KCNQ3: variants seen among roughly 807,000 people sequenced by gnomAD.
KCNQ3 encodes potassium voltage-gated channel subfamily KQT member 3.
Under a neutral mutation model 92.5 loss-of-function variants are expected in KCNQ3, and 30 were observed. The ratio of observed to expected loss-of-function variants is 0.32; its 90% CI spans 0.24 to 0.44. KCNQ3 has a LOEUF of 0.44. KCNQ3 is among the 20% of genes least tolerant of loss of function. The pLI is 1.00. For missense variants in KCNQ3, 913 were observed against 1,140.3 expected, an observed-to-expected ratio of 0.80 and a Z score of 2.87; for synonymous variants, 450 against 468.8, an observed-to-expected ratio of 0.96 and a Z score of 0.52.
intron 1 of KCNQ3, among the ~76,000 whole-genome samples, chr8:132,302,912 A>G (rs991278854): frequency 1.3e-5 from 2 of 152,236 alleles, no homozygotes; most frequent in African/African-American, 2.4e-5. Context: ...GCTGCTCAGG[A>G]GAACCTATTG....
chr8:132,361,399 T>C (rs1819167720), intron 1 of KCNQ3, among the ~76,000 whole-genome samples: 1 of 152,234 alleles, frequency 6.6e-6, no homozygotes, highest in Non-Finnish European at 1.5e-5. Flanking sequence ...TTATGTCTAA[T>C]ATGTTCTTTA....
intron 1 of KCNQ3, among the ~76,000 whole-genome samples, chr8:132,450,811 C>T (rs1272685772): frequency 1.3e-5 from 2 of 152,150 alleles, no homozygotes; most frequent in South Asian, 2.1e-4. Context: ...TCATCATCAC[C>T]GTCCTCCCTT....
At chr8:132,422,638 G>A (rs1167696873) in intron 1 of KCNQ3, among the ~76,000 whole-genome samples, 2 of 152,142 alleles carry the variant, frequency 1.3e-5, no homozygotes, top group Non-Finnish European at 2.9e-5. Flanking sequence ...CCCCAGCACT[G>A]GGCCTGACTG....
At chr8:132,228,042 A>T (rs2130361856) in intron 1 of KCNQ3, among the ~76,000 whole-genome samples, 1 of 152,300 alleles carries the variant, frequency 6.6e-6, no homozygotes, top group African/African-American at 2.4e-5. Flanking sequence ...CCTCAACAGT[A>T]AATAACTTGC....
intron 1 of KCNQ3, among the ~76,000 whole-genome samples, chr8:132,207,546 C>A (rs1193615859): frequency 1.3e-5 from 2 of 152,150 alleles, no homozygotes; most frequent in Admixed American, 1.3e-4. Context: ...AATCAGACTC[C>A]AGCCTTTTCA....
intron 1 of KCNQ3, among the ~76,000 whole-genome samples, chr8:132,384,266 G>A (rs1819835919): frequency 6.6e-6 from 1 of 152,174 alleles, no homozygotes; most frequent in African/African-American, 2.4e-5. Flanking sequence ...ACATCTCCTA[G>A]TACTGTGTCT....
intron 1 of KCNQ3, among the ~76,000 whole-genome samples, chr8:132,247,508 C>T (rs1815218958): frequency 6.6e-6 from 1 of 151,954 alleles, no homozygotes; most frequent in Non-Finnish European, 1.5e-5. Context: ...AGAATATGGC[C>T]GGGTGCAGTG....
intron 1 of KCNQ3, among the ~76,000 whole-genome samples, chr8:132,386,504 A>T (rs1479059041): frequency 6.6e-6 from 1 of 152,146 alleles, no homozygotes; most frequent in Non-Finnish European, 1.5e-5. Flanking sequence ...AGATGGTTTT[A>T]AAGGTAAATA....
chr8:132,128,038 A>G lies in KCNQ3; in HGVS notation c.*1224T>C, dbSNP rs917518818. 1 of 152,246 alleles carries G rather than the reference A, an allele frequency of 6.6e-6. No individual in the cohort carries two copies. The highest frequency in any genetic ancestry group is 2.1e-4 in the South Asian group (1 of 4,836). 9.4% of individuals were successfully genotyped at this position (152,246 alleles called of 1,614,324 possible). ...TTCTAGATCTGAAATGCATTGCATCAAGCAAGCATGTTTTGCAATAAAAGT... is the reference window on the plus strand; with the variant it reads ...TTCTAGATCTGAAATGCATTGCATCGAGCAAGCATGTTTTGCAATAAAAGT... On this transcript the variant is annotated 3_prime_UTR_variant, in exon 15 of 15. Coordinates refer to ENST00000388996, the MANE Select transcript of KCNQ3 (RefSeq NM_004519.4).
intron 1 of KCNQ3, among the ~76,000 whole-genome samples, chr8:132,428,977 T>G (rs2130821200): frequency 6.6e-6 from 1 of 152,308 alleles, no homozygotes; most frequent in East Asian, 1.9e-4. Flanking sequence ...ACACAATGAC[T>G]TCCAAGCTTA....
At chr8:132,180,378 A>G (rs755742949) in intron 3 of KCNQ3, 49 bp from the exon 4 acceptor site, 1 of 1,602,642 alleles carries the variant, frequency 6.2e-7, no homozygotes, top group East Asian at 2.2e-5. Flanking sequence ...AAGGAAGGTC[A>G]TGCGAAAGCA....
rs3993055 is a variant in KCNQ3 at position 132,182,882 on chromosome 8, GCACACACACACACA to G, written c.604+1345_604+1358del. Among the ~76,000 whole-genome samples the G allele has an allele frequency of 7.2e-3, 1,048 of 146,090 alleles. 10 individuals are homozygous for G. The highest frequency in any genetic ancestry group is 0.023 in the African/African-American group (904 of 40,100). ...ATCATTAAAAAAGTCCTCCAATATC[GCACACACACACACA>G]CACACACACACACACACTCACATAC... is the stretch of plus-strand genomic sequence containing the variant. On this transcript the variant is annotated intron_variant, in intron 3 of 14. Coordinates refer to ENST00000388996, the MANE Select transcript of KCNQ3 (RefSeq NM_004519.4).
chr8:132,437,183 G>A (rs1009400855), intron 1 of KCNQ3, among the ~76,000 whole-genome samples: 1 of 151,824 alleles, frequency 6.6e-6, no homozygotes, highest in Non-Finnish European at 1.5e-5. Flanking sequence ...GGAGGCTGAG[G>A]CAGGAGAATG....
At chr8:132,248,068 A>T (rs1381698210) in intron 1 of KCNQ3, among the ~76,000 whole-genome samples, 2 of 152,176 alleles carry the variant, frequency 1.3e-5, no homozygotes, top group Admixed American at 1.3e-4. Flanking sequence ...ATTCAAACCC[A>T]GGTGTCTGGA....
intron 1 of KCNQ3, among the ~76,000 whole-genome samples, chr8:132,264,896 G>A (rs1319186287): frequency 6.6e-6 from 1 of 152,188 alleles, no homozygotes; most frequent in East Asian, 1.9e-4. Context: ...ACTAGCTCTA[G>A]CTGTAAAATT....
intron 1 of KCNQ3, among the ~76,000 whole-genome samples, chr8:132,291,407 T>C (rs1816830514): frequency 6.6e-6 from 1 of 152,208 alleles, no homozygotes; most frequent in Non-Finnish European, 1.5e-5. Context: ...GGCCTGCTTA[T>C]TATTGTTGTT....
intron 9 of KCNQ3, among the ~76,000 whole-genome samples, chr8:132,144,171 C>T (rs112623111): frequency 8.5e-5 from 13 of 152,210 alleles, no homozygotes; most frequent in African/African-American, 7.2e-5. Flanking sequence ...TCACTTAAAA[C>T]GCCATTGGTC....
At chr8:132,279,719 C>T (rs375057268) in intron 1 of KCNQ3, among the ~76,000 whole-genome samples, 1 of 152,228 alleles carries the variant, frequency 6.6e-6, no homozygotes, top group Non-Finnish European at 1.5e-5. Flanking sequence ...TATATGCACA[C>T]ATACATATGC....
At chr8:132,211,624 C>T (rs965385825) in intron 1 of KCNQ3, among the ~76,000 whole-genome samples, 1 of 152,272 alleles carries the variant, frequency 6.6e-6, no homozygotes, top group Non-Finnish European at 1.5e-5. Flanking sequence ...ATTGTATATA[C>T]ATATGAGAGT....
Sources: gnomAD v4.1 joint callset for allele counts (sites outside exome capture counted in the v4.1 genomes callset) on GRCh38, gnomAD v4.1.1 for gene constraint, MANE v1.5 for transcripts, NCBI Gene and HGNC (gene_info 2026-07-23, HGNC 2026-07-21) for gene names.